The following SSH1 variants were observed in gnomAD, a reference collection of about 807,000 sequenced individuals.
SSH1 encodes protein phosphatase Slingshot homolog 1.
Under a neutral mutation model 79.7 loss-of-function variants are expected in SSH1, and 43 were observed. The ratio of observed to expected loss-of-function variants is 0.54; its 90% CI spans 0.42 to 0.70. The LOEUF (loss-of-function observed/expected upper bound fraction) is 0.70, where lower values mean the gene tolerates loss of function less well. SSH1 is among the 30% of genes least tolerant of loss of function. SSH1 has a pLI of 0.00. For synonymous variants in SSH1, 599 were observed against 538.3 expected, an observed-to-expected ratio of 1.11 and a Z score of -1.56; for missense variants, 1,206 against 1,358.8, an observed-to-expected ratio of 0.89 and a Z score of 1.77.
At chr12:108,836,260 C>T (rs1260582820) in intron 2 of SSH1, among the ~76,000 whole-genome samples, 21 of 152,034 alleles carry the variant, frequency 1.4e-4, no homozygotes, top group Non-Finnish European at 2.4e-4. Flanking sequence ...TATAGATGCA[C>T]GTGTGTGTGT....
At chr12:108,808,843 T>G (rs1217319454) in intron 7 of SSH1, among the ~76,000 whole-genome samples, 5 of 142,760 alleles carry the variant, frequency 3.5e-5, no homozygotes, top group African/African-American at 1.1e-4. Context: ...TTTTTTTTTT[T>G]TTTTGTTTGA....
intron 2 of SSH1, among the ~76,000 whole-genome samples, chr12:108,843,207 A>G (rs1352058796): frequency 6.6e-6 from 1 of 152,172 alleles, no homozygotes; most frequent in Non-Finnish European, 1.5e-5. Context: ...ATGAGGACAG[A>G]GGGGTCTTGA....
intron 2 of SSH1, among the ~76,000 whole-genome samples, chr12:108,842,927 A>T (rs1449166714): frequency 2.0e-5 from 3 of 152,194 alleles, no homozygotes; most frequent in African/African-American, 7.2e-5. Context: ...TAACTGAAAT[A>T]ATGCACACAA....
rs185265928 is a variant in SSH1, at chr12:108,786,714, G to C, written c.*1274C>G. On this transcript the variant is annotated 3_prime_UTR_variant, in exon 15 of 15. Transcript: ENST00000326495. ...GGAAAAACCATTCCTAGCTCACGGG[G>C]CCACATGCCATAGTTTGCTGACCCC... 2.0e-5 allele frequency: 3 copies of C among 152,306 alleles called. No individual in the cohort carries two copies. The highest frequency in any genetic ancestry group is 2.0e-4 in the Admixed American group (3 of 15,290). The allele number at this position is 152,306 out of a possible 1,614,324, so 9.4% of individuals were successfully genotyped here.
rs2036400370 is a variant in SSH1, at chr12:108,789,239, A to G, written c.1899T>C (p.Asp633=). Residue 633 remains aspartate (D), a synonymous_variant, in exon 15 of 15, where the codon GAT becomes GAC. Coordinates refer to ENST00000326495, the MANE Select transcript of SSH1 (RefSeq NM_018984.4). ...KRSCPNGMED[D]AIFGILNKVK... The stretch of plus-strand genomic sequence containing the variant: ...CTTTGTTAAGGATCCCAAATATAGC[A>G]TCATCCTGCAAGGAAGGGGACAAGA... 3 of 1,593,098 alleles carry G rather than the reference A, an allele frequency of 1.9e-6. No individual in the cohort carries two copies. The highest frequency in any genetic ancestry group is 3.3e-4 in the Middle Eastern group (2 of 6,028).
At chr12:108,848,741 G>C (rs1353504081) in intron 2 of SSH1, among the ~76,000 whole-genome samples, 1 of 152,154 alleles carries the variant, frequency 6.6e-6, no homozygotes, top group African/African-American at 2.4e-5. Context: ...GGTTTAAAAG[G>C]GCACCTAGGG....
At chr12:108,841,000 C>A (rs1271900478) in intron 2 of SSH1, among the ~76,000 whole-genome samples, 3 of 152,190 alleles carry the variant, frequency 2.0e-5, no homozygotes, top group Non-Finnish European at 4.4e-5. Context: ...ATGAGCAGCA[C>A]AATATAAACA....
chr12:108,806,273 C>A (rs1248717492), intron 9 of SSH1, 28 bp downstream of exon 9: 2 of 1,603,086 alleles, frequency 1.2e-6, no homozygotes, highest in South Asian at 1.1e-5. Flanking sequence ...TGACCTCTGA[C>A]CTGCAATGAA....
chr12:108,848,210 A>G (rs78330152), intron 2 of SSH1, among the ~76,000 whole-genome samples: 4,291 of 152,288 alleles, frequency 0.028, 143 homozygotes, highest in African/African-American at 0.079. Context: ...GTGACGGGAC[A>G]GAAGAGATGT....
rs558190270 is a variant in SSH1 at position 108,807,936 on chromosome 12, G to A, written c.537-109C>T. 2 of 985,680 alleles carry A rather than the reference G, an allele frequency of 2.0e-6. No individual in the cohort carries two copies. Among genetic ancestry groups the A allele is most frequent in the Non-Finnish European group, 3.1e-6 (2 of 639,694 alleles). 61.1% of individuals were successfully genotyped at this position (985,680 alleles called of 1,614,324 possible). ...GGGAAGGGAAGGGCAATGATTGATT[G>A]GTTGATTATTTCTTTTTGGGACAGA... On this transcript the variant is annotated intron_variant, in intron 7 of 14. Transcript: ENST00000326495. This position sits in a 1 kb window ranked among gnomAD's most constrained non-coding sequence, Gnocchi z 5.2.
At chr12:108,829,096 G>A (rs1008641084) in intron 2 of SSH1, among the ~76,000 whole-genome samples, 2 of 152,178 alleles carry the variant, frequency 1.3e-5, no homozygotes, top group African/African-American at 2.4e-5. Flanking sequence ...GGGAGGCTGA[G>A]ATGGGTGGAT....
intron 3 of SSH1, among the ~76,000 whole-genome samples, chr12:108,820,445 C>G (rs1410710880): frequency 1.3e-5 from 2 of 152,230 alleles, no homozygotes; most frequent in African/African-American, 2.4e-5. Context: ...CTCCCACCAT[C>G]TACCCGAGTC....
At chr12:108,844,098 G>A (rs2038841096) in intron 2 of SSH1, among the ~76,000 whole-genome samples, 1 of 152,114 alleles carries the variant, frequency 6.6e-6, no homozygotes, top group Admixed American at 6.5e-5. Context: ...TATGGGAGAA[G>A]GGGTTCGCAT....
Position 108,785,949 on chromosome 12 carries a change from A to G in SSH1, c.*2039T>C, listed in dbSNP as rs2136943975. Reference sequence around the variant, plus strand: ...GGAATAAGTGGATAATCACCTTTTAAGGTGATTTTAATTGACACTAGTGGG... The same window carrying G: ...GGAATAAGTGGATAATCACCTTTTAGGGTGATTTTAATTGACACTAGTGGG... On this transcript the variant is annotated 3_prime_UTR_variant, in exon 15 of 15. Coordinates refer to ENST00000326495, the MANE Select transcript of SSH1 (RefSeq NM_018984.4). 1 of 152,310 alleles carries G rather than the reference A, an allele frequency of 6.6e-6. No individual in the cohort carries two copies. Among genetic ancestry groups the G allele is most frequent in the Middle Eastern group, 3.4e-3 (1 of 294 alleles). The allele number at this position is 152,310 out of a possible 1,614,324, so 9.4% of individuals were successfully genotyped here.
At position 108,809,691 on chromosome 12, in the gene SSH1, AC is replaced by A. The variant is rs1374004591; in HGVS notation, c.536+1del. On this transcript the variant is annotated splice_donor_variant, in intron 7 of 14. Coordinates refer to ENST00000326495, the MANE Select transcript of SSH1 (RefSeq NM_018984.4). LOFTEE classifies it high-confidence loss of function. Reference sequence around the variant, plus strand: ...GTTAAAAGTCCCTAAAACCACACTTACCACATGGCCTGGACAGACACAGGCT... The same window carrying A: ...GTTAAAAGTCCCTAAAACCACACTTACACATGGCCTGGACAGACACAGGCT... 1.2e-6 allele frequency: 2 copies of A among 1,613,582 alleles called. No individual in the cohort carries two copies. The highest frequency in any genetic ancestry group is 1.7e-5 in the Admixed American group (1 of 59,990).
intron 7 of SSH1, among the ~76,000 whole-genome samples, chr12:108,809,472 C>A (rs1339755303): frequency 7.1e-5 from 10 of 140,872 alleles, no homozygotes; most frequent in African/African-American, 7.8e-5. Context: ...AAAAAAAAAA[C>A]GAGAAACCCC....
At position 108,802,296 on chromosome 12, in the gene SSH1, G is replaced by A. The variant is rs1227000303; in HGVS notation, c.1001+26C>T. 1.8e-5 allele frequency: 29 copies of A among 1,611,714 alleles called. No homozygotes were observed. In the Admixed American group the frequency reaches 4.5e-4, roughly 25 times the overall value. On this transcript the variant is annotated intron_variant, in intron 11 of 14. Coordinates refer to ENST00000326495, the MANE Select transcript of SSH1 (RefSeq NM_018984.4). Reference sequence around the variant, plus strand: ...GGTTTCTAAGCTGCCTGGAAGGACAGGGAAAGACAAGGGGAGGAGACTCAC... The same window carrying A: ...GGTTTCTAAGCTGCCTGGAAGGACAAGGAAAGACAAGGGGAGGAGACTCAC...
At chr12:108,803,649 A>G (rs992804742) in intron 10 of SSH1, among the ~76,000 whole-genome samples, 4 of 152,184 alleles carry the variant, frequency 2.6e-5, no homozygotes, top group African/African-American at 9.7e-5. Context: ...CACTAAAAAC[A>G]TAACGCGAGT....
rs2037925751 is a variant in SSH1 at position 108,817,148 on chromosome 12, C to T, written c.291G>A (p.Leu97=). The T allele has an allele frequency of 1.9e-6, 3 of 1,613,906 alleles. No homozygotes were observed. The highest frequency in any genetic ancestry group is 2.5e-6 in the Non-Finnish European group (3 of 1,180,028). Residue 97 remains leucine (L), a synonymous_variant, in exon 5 of 15, where the codon CTG becomes CTA. Transcript: ENST00000326495. ...GGACCCGGTCCGCCCAGGCGCTCTC[C>T]AGGCGCACTGCCTGGAACAGGGCAG... ...CEDRIKLAVR[L]ESAWADRVRY... is the part of the protein sequence containing the mutation.
Sources: allele counts gnomAD v4.1 joint callset (sites outside exome capture counted in the v4.1 genomes callset), GRCh38; gene constraint gnomAD v4.1.1; non-coding constraint Gnocchi (gnomAD v3.1); transcripts MANE v1.5; gene names NCBI Gene and HGNC (gene_info 2026-07-23, HGNC 2026-07-21).